The following HSDL1 variants were observed in gnomAD, a reference collection of about 807,000 sequenced individuals.
HSDL1 encodes hydroxysteroid dehydrogenase like 1.
HSDL1 carries 29 observed loss-of-function variants against 31.5 expected under a neutral mutation model. The ratio of observed to expected loss-of-function variants is 0.92; its 90% CI spans 0.69 to 1.26. The LOEUF (loss-of-function observed/expected upper bound fraction) is 1.26, where lower values mean the gene tolerates loss of function less well. Among genes scored for constraint, HSDL1 ranks in the 50% most tolerant of loss-of-function variants. The pLI is 0.00. For synonymous variants in HSDL1, 222 were observed against 155.2 expected (o/e 1.43, Z -3.20); for missense variants, 503 against 416.6 (o/e 1.21, Z -1.81).
At chr16:84,129,407 T>C (rs890839645) in intron 5 of HSDL1, 141 bp downstream of exon 5, 2 of 680,318 alleles carry the variant, frequency 2.9e-6, no homozygotes, top group Non-Finnish European at 5.0e-6. Flanking sequence ...AAATTTAGTG[T>C]CTTAACCAAA....
chr16:84,135,813 G>T (rs1338798981), intron 1 of HSDL1, among the ~76,000 whole-genome samples: 3 of 152,212 alleles, frequency 2.0e-5, no homozygotes, highest in Non-Finnish European at 2.9e-5. Context: ...GCGTCTGCTG[G>T]GGGCACAGTC....
chr16:84,136,248 C>T (rs1487167478), intron 1 of HSDL1, among the ~76,000 whole-genome samples: 1 of 152,238 alleles, frequency 6.6e-6, no homozygotes, highest in Non-Finnish European at 1.5e-5. Context: ...GGGCAGCCCC[C>T]CTAGGCTGTG....
At position 84,123,816 on chromosome 16, in the gene HSDL1, G is replaced by C. The variant is rs2086577327; in HGVS notation, c.*814C>G. The C allele has an allele frequency of 2.0e-5, 3 of 152,184 alleles. No homozygotes were observed. The South Asian group carries it at 6.2e-4, about 31-fold the overall frequency. 9.4% of individuals were successfully genotyped at this position (152,184 alleles called of 1,614,324 possible). On this transcript the variant is annotated 3_prime_UTR_variant, in exon 6 of 6. Transcript: ENST00000219439. ...CCTTATAAATCAAAAGATGACTGCA[G>C]GTTTCTCTTACATATCCAAATCTAG...
chr16:84,124,726 A>T lies in HSDL1; in HGVS notation c.897T>A (p.Phe299Leu). The T allele has an allele frequency of 1.2e-5, 19 of 1,610,536 alleles. No homozygotes were observed. Among genetic ancestry groups the T allele is most frequent in the Non-Finnish European group, 1.5e-5 (18 of 1,176,846 alleles). ...ATTCAGGCATATACTGTGCAAAAAG[A>T]AACTAAAAATGAAAGAGAAAAAGGT... is the stretch of plus-strand genomic sequence containing the variant. Reference protein sequence around the residue: ...TTGYWSHSIQFLFAQYMPEWL... With the variant: ...TTGYWSHSIQLLFAQYMPEWL... Residue 299 changes from phenylalanine (F) to leucine (L), a missense_variant and splice_region_variant, in exon 6 of 6, where the codon TTT (phenylalanine) becomes TTA (leucine). Physicochemically the swap from Phe to Leu is conservative, Grantham distance 22. Coordinates refer to ENST00000219439, the MANE Select transcript of HSDL1 (RefSeq NM_031463.5).
chr16:84,140,044 G>C (rs373609964), intron 1 of HSDL1, among the ~76,000 whole-genome samples: 18 of 152,176 alleles, frequency 1.2e-4, no homozygotes, highest in East Asian at 3.9e-4. Context: ...GTCAGCCCTG[G>C]GGAGAAACTT....
intron 2 of HSDL1, among the ~76,000 whole-genome samples, chr16:84,134,262 G>A (rs2086692638): frequency 6.6e-6 from 1 of 152,224 alleles, no homozygotes; most frequent in South Asian, 2.1e-4. Context: ...TGTAGCCCTT[G>A]AACAGTCATA....
intron 1 of HSDL1, chr16:84,144,193 T>C (rs978660578): frequency 6.6e-6 from 1 of 152,030 alleles, no homozygotes; most frequent in South Asian, 2.1e-4. Flanking sequence ...ATTAATCTTA[T>C]AAAGCGCAGT....
intron 2 of HSDL1, among the ~76,000 whole-genome samples, chr16:84,132,454 T>C (rs2086677936): frequency 6.6e-6 from 1 of 152,234 alleles, no homozygotes; most frequent in South Asian, 2.1e-4. Flanking sequence ...GGAGCACTCC[T>C]CCATCTTCTA....
At chr16:84,134,441 G>A (rs895176416) in intron 2 of HSDL1, among the ~76,000 whole-genome samples, 2 of 152,094 alleles carry the variant, frequency 1.3e-5, no homozygotes, top group Admixed American at 6.6e-5. Context: ...TGGCCAACAT[G>A]GTGAAACCTG....
rs370212706 is a variant in HSDL1, at chr16:84,131,491, A to G, written c.-6-164T>C. Among the ~76,000 whole-genome samples, 837 of 141,596 alleles carry G rather than the reference A, an allele frequency of 5.9e-3. 8 individuals are homozygous for G. Among genetic ancestry groups the G allele is most frequent in the African/African-American group, 0.022 (790 of 35,906 alleles). 92.9% of individuals were successfully genotyped at this position (141,596 alleles called of 152,430 possible). Reference sequence around the variant, plus strand: ...CGTGGCTCACAGTTTCAGTCTATCTATCTATCTATCTATCTATCTATCTAT... The same window carrying G: ...CGTGGCTCACAGTTTCAGTCTATCTGTCTATCTATCTATCTATCTATCTAT... On this transcript the variant is annotated intron_variant, in intron 2 of 5. Coordinates refer to ENST00000219439, the MANE Select transcript of HSDL1 (RefSeq NM_031463.5).
At chr16:84,137,554 G>A (rs963603886) in intron 1 of HSDL1, among the ~76,000 whole-genome samples, 8 of 152,206 alleles carry the variant, frequency 5.3e-5, no homozygotes. Context: ...AGCTGGGGAT[G>A]AAGGAGGGCC....
intron 5 of HSDL1, 57 bp downstream of exon 5, chr16:84,129,491 A>T (rs1239367086): frequency 2.5e-6 from 3 of 1,202,888 alleles, no homozygotes; most frequent in Non-Finnish European, 2.5e-6. Context: ...TCTCTGTATC[A>T]CTGAGATAGG....
chr16:84,142,687 G>A (rs1406834466), intron 1 of HSDL1, among the ~76,000 whole-genome samples: 10 of 151,846 alleles, frequency 6.6e-5, no homozygotes, highest in East Asian at 1.9e-4. Context: ...CTTGTGATCC[G>A]CCCACTTTGG....
chr16:84,142,425 C>T (rs1297833285), intron 1 of HSDL1, among the ~76,000 whole-genome samples: 2 of 133,532 alleles, frequency 1.5e-5, no homozygotes, highest in East Asian at 4.7e-4. Flanking sequence ...TGGGATCTCA[C>T]ACATCTTTTT....
intron 1 of HSDL1, among the ~76,000 whole-genome samples, chr16:84,138,776 A>G (rs1229086523): frequency 6.6e-6 from 1 of 152,226 alleles, no homozygotes; most frequent in African/African-American, 2.4e-5. Context: ...TTCTACTTCT[A>G]CAGGGCAGGA....
At chr16:84,140,626 A>G (rs1219882191) in intron 1 of HSDL1, among the ~76,000 whole-genome samples, 1 of 152,186 alleles carries the variant, frequency 6.6e-6, no homozygotes, top group Non-Finnish European at 1.5e-5. Flanking sequence ...AAGAATAATA[A>G]AACAGCCACT....
chr16:84,144,813 G>A (rs558572462), intron 1 of HSDL1, among the ~76,000 whole-genome samples: 218 of 149,432 alleles, frequency 1.5e-3, no homozygotes, highest in African/African-American at 5.1e-3. Context: ...GCCGGGGGAA[G>A]GGGGGCTCTG....
intron 1 of HSDL1, among the ~76,000 whole-genome samples, chr16:84,142,351 T>G (rs962389517): frequency 5.9e-5 from 9 of 152,098 alleles, no homozygotes; most frequent in African/African-American, 2.2e-4. Flanking sequence ...TTCTAGAAAT[T>G]TTACATTTTT....
intron 1 of HSDL1, among the ~76,000 whole-genome samples, chr16:84,142,754 C>T (rs569273294): frequency 2.0e-5 from 3 of 152,302 alleles, no homozygotes; most frequent in Admixed American, 2.0e-4. Flanking sequence ...AATATTCCTC[C>T]TCAGCACCTG....
Sources: gnomAD v4.1 joint callset for allele counts (sites outside exome capture counted in the v4.1 genomes callset) on GRCh38, gnomAD v4.1.1 for gene constraint, MANE v1.5 for transcripts, NCBI Gene and HGNC (gene_info 2026-07-23, HGNC 2026-07-21) for gene names.